Variants in MAF observed in about 807,000 individuals in gnomAD.
MAF encodes transcription factor Maf.
MAF carries 10 observed loss-of-function variants against 22.0 expected under a neutral mutation model. The ratio of observed to expected loss-of-function variants is 0.45; its 90% CI spans 0.28 to 0.77. The LOEUF (loss-of-function observed/expected upper bound fraction) is 0.77, where lower values mean the gene tolerates loss of function less well. Among genes scored for constraint, MAF ranks in the 30% least tolerant of loss-of-function variants. The pLI is 0.12. For missense variants in MAF, 544 were observed against 548.4 expected, an observed-to-expected ratio of 0.99 and a Z score of 0.08; for synonymous variants, 337 against 255.8, an observed-to-expected ratio of 1.32 and a Z score of -3.03.
At chr16:79,332,009 C>G in the MAF span, among the ~76,000 whole-genome samples, 1 of 152,166 alleles carries the variant, frequency 6.6e-6, no homozygotes, top group African/African-American at 2.4e-5. Flanking sequence ...TGTTCATTAC[C>G]TGACTTTAGA....
At chr16:79,322,308 G>C in the MAF span, among the ~76,000 whole-genome samples, 1 of 152,188 alleles carries the variant, frequency 6.6e-6, no homozygotes, top group Admixed American at 6.5e-5. Flanking sequence ...GAAGAGTATC[G>C]GCACTCAGGG....
At chr16:79,497,385 C>T in the MAF span, among the ~76,000 whole-genome samples, 58 of 152,218 alleles carry the variant, frequency 3.8e-4, no homozygotes, top group Admixed American at 3.8e-3. Context: ...CCCCACTCCA[C>T]CCGCCTGCTT....
chr16:79,386,580 G>C, the MAF span, among the ~76,000 whole-genome samples: 1 of 152,160 alleles, frequency 6.6e-6, no homozygotes, highest in Non-Finnish European at 1.5e-5. Context: ...AACCATACCA[G>C]CCCATGGCCC....
At chr16:79,579,066 C>T in the MAF span, among the ~76,000 whole-genome samples, 1 of 152,062 alleles carries the variant, frequency 6.6e-6, no homozygotes, top group African/African-American at 2.4e-5. Flanking sequence ...ATAAACATTT[C>T]TTTCTAAATG....
chr16:79,267,737 T>A, the MAF span, among the ~76,000 whole-genome samples: 1 of 152,158 alleles, frequency 6.6e-6, no homozygotes, highest in Non-Finnish European at 1.5e-5. Flanking sequence ...AATGGTGTTG[T>A]CAGGAGTAAG....
At chr16:79,549,080 C>A in the MAF span, among the ~76,000 whole-genome samples, 22 of 152,152 alleles carry the variant, frequency 1.4e-4, no homozygotes, top group African/African-American at 4.6e-4. Flanking sequence ...ATCATTACCT[C>A]CTTTGAAGGA....
At chr16:79,249,119 C>A in the MAF span, among the ~76,000 whole-genome samples, 1 of 151,974 alleles carries the variant, frequency 6.6e-6, no homozygotes, top group Non-Finnish European at 1.5e-5. Flanking sequence ...TGGATTAGTG[C>A]CTTTATAAAA....
the MAF span, among the ~76,000 whole-genome samples, chr16:79,515,630 A>C: frequency 6.6e-6 from 1 of 152,312 alleles, no homozygotes; most frequent in South Asian, 2.1e-4. Context: ...CTATAGCCCC[A>C]TCTTAAGTTG....
chr16:79,488,908 A>C, the MAF span, among the ~76,000 whole-genome samples: 1 of 152,212 alleles, frequency 6.6e-6, no homozygotes. Flanking sequence ...TGCCCTAGGC[A>C]AGAATAAGGC....
At chr16:79,349,328 G>A in the MAF span, among the ~76,000 whole-genome samples, 22 of 152,270 alleles carry the variant, frequency 1.4e-4, no homozygotes, top group Admixed American at 2.6e-4. Flanking sequence ...AGGCATCCAA[G>A]ACCCTACACC....
At chr16:79,489,151 C>T in the MAF span, among the ~76,000 whole-genome samples, 1 of 152,142 alleles carries the variant, frequency 6.6e-6, no homozygotes, top group African/African-American at 2.4e-5. Context: ...ATCCATCCAC[C>T]CATCCCCACA....
Position 79,599,564 on chromosome 16 carries a change from C to T in MAF, c.339G>A (p.Ala113=), listed in dbSNP as rs774883424. ...GGCTGTTGCTGATGAGCGCCTCGAC[C>T]GCGTCCTCGGGGCTGAAGCCCAGCG... The part of the protein sequence containing the change: ...PEALGFSPED[A]VEALISNSHQ... The change falls in exon 1 of 2, where the codon GCG becomes GCA. Residue 113 remains alanine (A), a synonymous_variant. Transcript: ENST00000326043. The T allele has an allele frequency of 2.1e-5, 33 of 1,592,650 alleles. No individual in the cohort carries two copies. The highest frequency in any genetic ancestry group is 3.4e-5 in the South Asian group (3 of 88,192).
the MAF span, among the ~76,000 whole-genome samples, chr16:79,246,549 T>TGG: frequency 2.2e-4 from 26 of 117,088 alleles, no homozygotes; most frequent in Non-Finnish European, 3.3e-4. Flanking sequence ...TTGGGGGGGG[T>TGG]GTGGGGGTGT....
the MAF span, among the ~76,000 whole-genome samples, chr16:79,310,594 A>T: frequency 6.6e-6 from 1 of 152,176 alleles, no homozygotes; most frequent in African/African-American, 2.4e-5. Flanking sequence ...GTTGAAACAA[A>T]GGCTCCTGTA....
chr16:79,400,536 G>T, the MAF span, among the ~76,000 whole-genome samples: 1 of 152,220 alleles, frequency 6.6e-6, no homozygotes, highest in Non-Finnish European at 1.5e-5. Context: ...TCTTTGCTAT[G>T]CATCACGTCA....
Position 79,599,192 on chromosome 16 carries a change from CCCGCCGCCTCCGCCGCCGCCGCCG to C in MAF, c.687_710del (p.Gly231_Gly238del), listed in dbSNP as rs1913809842. On this transcript the variant is annotated inframe_deletion, in exon 1 of 2. Transcript: ENST00000326043. ...GGGCGCCCCCCGCCCCCGCCGCGCC[CCCGCCGCCTCCGCCGCCGCCGCCG>C]CCGCCGCCGCCCCCAGCGCTGGCCG... The C allele has an allele frequency of 3.9e-6, 4 of 1,026,634 alleles. No individual in the cohort carries two copies. The highest frequency in any genetic ancestry group is 8.9e-5 in the South Asian group (2 of 22,458). 63.6% of individuals were successfully genotyped at this position (1,026,634 alleles called of 1,614,324 possible). A position where few individuals can be genotyped will look rare whatever the true frequency, so the allele number is the denominator to read the frequency against.
chr16:79,466,496 T>C, the MAF span, among the ~76,000 whole-genome samples: 2 of 152,054 alleles, frequency 1.3e-5, no homozygotes, highest in African/African-American at 2.4e-5. Flanking sequence ...ATAAAAAGAA[T>C]CCTGAATTAG....
At chr16:79,439,575 A>G in the MAF span, among the ~76,000 whole-genome samples, 2 of 152,114 alleles carry the variant, frequency 1.3e-5, no homozygotes, top group Admixed American at 6.6e-5. Flanking sequence ...CTTAATATTT[A>G]TTAATCTCTT....
At chr16:79,403,743 G>T in the MAF span, among the ~76,000 whole-genome samples, 3 of 152,150 alleles carry the variant, frequency 2.0e-5, no homozygotes, top group African/African-American at 4.8e-5. Context: ...CCTAACATAG[G>T]AAAAACATAC....
Sources: allele counts gnomAD v4.1 joint callset (sites outside exome capture counted in the v4.1 genomes callset), GRCh38; gene constraint gnomAD v4.1.1; transcripts MANE v1.5; gene names NCBI Gene and HGNC (gene_info 2026-07-23, HGNC 2026-07-21).